RASGRP2: variants seen among roughly 807,000 people sequenced by gnomAD.
RASGRP2 encodes the protein RAS guanyl releasing protein 2, also known as RAS guanyl-releasing protein 2.
RASGRP2 carries 44 observed loss-of-function variants against 71.0 expected under a neutral mutation model. That is an observed-to-expected ratio of 0.62 (90% CI 0.49 to 0.80). The LOEUF is 0.80. Ranked by LOEUF, RASGRP2 falls within the 30% of genes least tolerant of loss-of-function variation. The pLI is 0.00. For synonymous variants in RASGRP2, 350 were observed against 330.7 expected (o/e 1.06, Z -0.63); for missense variants, 663 against 813.4 (o/e 0.82, Z 2.25).
Position 64,739,977 on chromosome 11 carries a change from C to A in RASGRP2, c.522+36G>T. The stretch of plus-strand genomic sequence containing the variant: ...CCTCCTAGAACTCTCTTCCAGCCCA[C>A]ATTGGACCCCTGACCCCCCAGCCCT... On this transcript the variant is annotated intron_variant, in intron 6 of 16. Transcript: ENST00000394432. The surrounding 1 kb of genome is among the most constrained non-coding windows in gnomAD (Gnocchi z 4.2). The A allele has an allele frequency of 6.2e-7, 1 of 1,613,908 alleles. No individual in the cohort carries two copies. The highest frequency in any genetic ancestry group is 8.5e-7 in the Non-Finnish European group (1 of 1,179,994).
At position 64,739,654 on chromosome 11, in the gene RASGRP2, G is replaced by T; in HGVS notation, c.678C>A (p.His226Gln). The change falls in exon 7 of 17, where the codon CAC becomes CAA. Residue 226 changes from histidine to glutamine, a missense_variant. By Grantham distance (24) the His-to-Gln change is conservative. Transcript: ENST00000394432. The surrounding 1 kb of genome is among the most constrained non-coding windows in gnomAD (Gnocchi z 4.2). ...CAGGCACCTCCGCCACGTGGACAAA[G>T]TGTGTGATGACCAGGGCCCGCTGCG... is the stretch of plus-strand genomic sequence containing the variant. ...TAPQRALVIT[H>Q]FVHVAEKLLQ... is the part of the protein sequence containing the mutation. 6.2e-7 allele frequency: 1 copy of T among 1,613,872 alleles called. No individual in the cohort carries two copies. Among genetic ancestry groups the T allele is most frequent in the Non-Finnish European group, 8.5e-7 (1 of 1,179,806 alleles).
rs1224187184 is a variant in RASGRP2 at position 64,739,478 on chromosome 11, T to C, written c.697-2A>G. On this transcript the variant is annotated splice_acceptor_variant, in intron 7 of 16. Coordinates refer to ENST00000394432, the MANE Select transcript of RASGRP2 (RefSeq NM_001098671.2). LOFTEE classifies it high-confidence loss of function. This position sits in a 1 kb window ranked among gnomAD's most constrained non-coding sequence, Gnocchi z 4.2. ...GAAGTTCTGCAGCTGTAGCAGCTTC[T>C]GGAAGGCAAATGGGGACGGAGAGGC... 6.2e-7 allele frequency: 1 copy of C among 1,614,080 alleles called. No homozygotes were observed. The highest frequency in any genetic ancestry group is 8.5e-7 in the Non-Finnish European group (1 of 1,179,956).
chr11:64,740,522 G>A (rs2058087866), intron 5 of RASGRP2: 5 of 633,676 alleles, frequency 7.9e-6, no homozygotes, highest in South Asian at 3.0e-5. Context: ...TTGTACAGGA[G>A]TCTGTACAAA....
In RASGRP2 at chr11:64,739,645, G is replaced by A. The variant is rs758014923; in HGVS notation, c.687C>T (p.His229=). The A allele has an allele frequency of 1.4e-5, 22 of 1,613,420 alleles. No homozygotes were observed. In the Admixed American group the frequency reaches 2.8e-4, roughly 21 times the overall value. ...AGGGAGGGGCAGGCACCTCCGCCACGTGGACAAAGTGTGTGATGACCAGGG... is the reference window on the plus strand; with the variant it reads ...AGGGAGGGGCAGGCACCTCCGCCACATGGACAAAGTGTGTGATGACCAGGG... ...QRALVITHFV[H]VAEKLLQLQN... is the part of the protein sequence containing the mutation. The change falls in exon 7 of 17, where the codon CAC becomes CAT. Residue 229 remains histidine (H), a synonymous_variant. Coordinates refer to ENST00000394432, the MANE Select transcript of RASGRP2 (RefSeq NM_001098671.2). The surrounding 1 kb of genome is among the most constrained non-coding windows in gnomAD (Gnocchi z 4.2).
At position 64,742,647 on chromosome 11, in the gene RASGRP2, G is replaced by A; in HGVS notation, c.73+147C>T. On this transcript the variant is annotated intron_variant, in intron 2 of 16. Coordinates refer to ENST00000394432, the MANE Select transcript of RASGRP2 (RefSeq NM_001098671.2). This position sits in a 1 kb window ranked among gnomAD's most constrained non-coding sequence, Gnocchi z 4.7. ...GTGCATCTCTCTGCCCTGCGTTGCG[G>A]AGGAGGCTTTCGTTAAAGAGACTGC... 1 of 1,034,272 alleles carries A rather than the reference G, an allele frequency of 9.7e-7. No individual in the cohort carries two copies. The highest frequency in any genetic ancestry group is 1.4e-6 in the Non-Finnish European group (1 of 690,738). The allele number at this position is 1,034,272 out of a possible 1,614,324, so 64.1% of individuals were successfully genotyped here. A position where few individuals can be genotyped will look rare whatever the true frequency, so the allele number is the denominator to read the frequency against.
intron 12 of RASGRP2, among the ~76,000 whole-genome samples, chr11:64,734,848 C>T (rs2057878299): frequency 6.6e-6 from 1 of 152,198 alleles, no homozygotes; most frequent in African/African-American, 2.4e-5. Context: ...TAAAACAGCA[C>T]TTTTGTAGCC....
At chr11:64,731,389 A>C (rs938242353) in intron 12 of RASGRP2, among the ~76,000 whole-genome samples, 2 of 151,720 alleles carry the variant, frequency 1.3e-5, no homozygotes, top group African/African-American at 4.8e-5. Flanking sequence ...AAGATATAAT[A>C]ATTTTATAAT....
Position 64,739,896 on chromosome 11 carries a change from G to T in RASGRP2, c.523-87C>A. 6.2e-7 allele frequency: 1 copy of T among 1,602,076 alleles called. No individual in the cohort carries two copies. Among genetic ancestry groups the T allele is most frequent in the Non-Finnish European group, 8.5e-7 (1 of 1,171,774 alleles). On this transcript the variant is annotated intron_variant, in intron 6 of 16. Coordinates refer to ENST00000394432, the MANE Select transcript of RASGRP2 (RefSeq NM_001098671.2). The surrounding 1 kb of genome is among the most constrained non-coding windows in gnomAD (Gnocchi z 4.2). ...CTCACCCTCCAGCTGACCTTCAGTG[G>T]TTACACTGAAACCCCTGATGCACCC... is the stretch of plus-strand genomic sequence containing the variant.
chr11:64,740,957 A>G lies in RASGRP2; in HGVS notation c.362T>C (p.Ile121Thr), dbSNP rs764060342. Reference protein sequence around the residue: ...GNRRHSSLIDIDSVPTYKWKR... With the variant: ...GNRRHSSLIDTDSVPTYKWKR... ...TGCTCCCCCCACGCACACGCTGTCT[A>G]TGTCGATTAGGCTGCTGTGCCGTCG... Residue 121 changes from isoleucine (I) to threonine (T), a missense_variant, in exon 5 of 17, where the codon ATA becomes ACA. By Grantham distance (89) the Ile-to-Thr change is moderately conservative. Coordinates refer to ENST00000394432, the MANE Select transcript of RASGRP2 (RefSeq NM_001098671.2). 3.1e-6 allele frequency: 5 copies of G among 1,603,664 alleles called. No individual in the cohort carries two copies. The South Asian group carries it at 3.3e-5, about 11-fold the overall frequency.
At chr11:64,734,819 C>A (rs879741713) in intron 12 of RASGRP2, among the ~76,000 whole-genome samples, 5 of 152,212 alleles carry the variant, frequency 3.3e-5, no homozygotes, top group Non-Finnish European at 7.3e-5. Flanking sequence ...CACTTCTTGA[C>A]AGCTGTGAGC....
In RASGRP2 at chr11:64,729,988, A is replaced by C. The variant is rs1185517128; in HGVS notation, c.1554+65T>G. 9.0e-6 allele frequency: 13 copies of C among 1,438,050 alleles called. No homozygotes were observed. In the Admixed American group the frequency reaches 1.9e-4, roughly 21 times the overall value. The allele number at this position is 1,438,050 out of a possible 1,614,324, so 89.1% of individuals were successfully genotyped here. ...GGGCTCTGGCAGAGGCGGGGCCAGA[A>C]GGGAGGGCGGGGCCGGGGCTGGAGG... On this transcript the variant is annotated intron_variant, in intron 13 of 16. Transcript: ENST00000394432.
rs75754486 is a variant in RASGRP2, at chr11:64,730,261, C to G, written c.1413-67G>C. On this transcript the variant is annotated intron_variant, in intron 12 of 16. Transcript: ENST00000394432. ...AGAACCATCCACCGCTGGCCTAACC[C>G]ATCCCACTGTTCCCAGTGTCCTCAT... The G allele has an allele frequency of 2.7e-4, 423 of 1,542,996 alleles. 3 individuals carry two copies. In the African/African-American group the frequency reaches 5.0e-3, roughly 18 times the overall value.
intron 8 of RASGRP2, 82 bp from the exon 9 acceptor site, chr11:64,737,116 G>A (rs2057967472): frequency 1.0e-5 from 16 of 1,549,592 alleles, no homozygotes; most frequent in Non-Finnish European, 1.2e-5. Flanking sequence ...GGGGTGAGGA[G>A]GAGTCAGGGT....
chr11:64,730,130 C>T lies in RASGRP2; in HGVS notation c.1477G>A (p.Gly493Arg), dbSNP rs1651984932. ...YFLRSSSVLG[G>R]RMGFVHNFQE... is the part of the protein sequence containing the mutation. ...AAGTTGTGTACGAAGCCCATGCGCC[C>T]CCCCAACACAGAGCTGGAGCGCAGG... Residue 493 changes from glycine to arginine, a missense_variant, in exon 13 of 17, where the codon GGG becomes AGG. Gly to Arg is a moderately radical substitution (Grantham distance 125). Coordinates refer to ENST00000394432, the MANE Select transcript of RASGRP2 (RefSeq NM_001098671.2). 2 of 1,551,440 alleles carry T rather than the reference C, an allele frequency of 1.3e-6. No individual in the cohort carries two copies. Among genetic ancestry groups the T allele is most frequent in the South Asian group, 1.2e-5 (1 of 84,060 alleles).
At chr11:64,740,211 C>T (rs2058077662) in intron 5 of RASGRP2, 48 bp from the exon 6 acceptor site, 7 of 1,610,780 alleles carry the variant, frequency 4.3e-6, no homozygotes, top group African/African-American at 2.7e-5. Context: ...GCGCATGACT[C>T]GTGGCCCCCC....
At chr11:64,736,617 C>T (rs1306682589) in intron 9 of RASGRP2, 136 bp downstream of exon 9, 1 of 1,021,696 alleles carries the variant, frequency 9.8e-7, no homozygotes. Context: ...GCATCCACTC[C>T]AAACCCCAGA....
In RASGRP2 at chr11:64,743,502, G is replaced by C. The variant is rs2058211185; in HGVS notation, c.-72+501C>G. ...CCCCCAGGGGGCCTGCCCTAGGGGA[G>C]GCGGACTGGATGGGAGAGGAACATT... On this transcript the variant is annotated intron_variant, in intron 1 of 16. Transcript: ENST00000394432. The surrounding 1 kb of genome is among the most constrained non-coding windows in gnomAD (Gnocchi z 4.9). 2.9e-6 allele frequency: 1 copy of C among 346,986 alleles called. No individual in the cohort carries two copies. 21.5% of individuals were successfully genotyped at this position (346,986 alleles called of 1,614,324 possible).
chr11:64,741,650 G>A (rs1475297997), intron 3 of RASGRP2, 149 bp from the exon 4 acceptor site: 20 of 769,100 alleles, frequency 2.6e-5, no homozygotes, highest in Non-Finnish European at 4.1e-5. Flanking sequence ...TTGAGCTCTG[G>A]GAGGGGTTGG....
chr11:64,731,160 GC>G (rs2057754010), intron 12 of RASGRP2, among the ~76,000 whole-genome samples: 1 of 152,170 alleles, frequency 6.6e-6, no homozygotes, highest in Non-Finnish European at 1.5e-5. Flanking sequence ...TTCGAGACCA[GC>G]CTGGCCAACA....
Sources: allele counts gnomAD v4.1 joint callset (sites outside exome capture counted in the v4.1 genomes callset), GRCh38; gene constraint gnomAD v4.1.1; non-coding constraint Gnocchi (gnomAD v3.1); transcripts MANE v1.5; gene names NCBI Gene and HGNC (gene_info 2026-07-23, HGNC 2026-07-21).